The following KLF8 variants were observed in gnomAD, a reference collection of about 807,000 sequenced individuals.
KLF8 encodes the protein Krueppel-like factor 8.
KLF8 carries 10 observed loss-of-function variants against 18.2 expected under a neutral mutation model. The observed-to-expected ratio is 0.55, with a 90% CI of 0.34 to 0.93. The LOEUF (loss-of-function observed/expected upper bound fraction) is 0.93, where lower values mean the gene tolerates loss of function less well. KLF8 is among the 40% of genes least tolerant of loss of function. The probability of loss-of-function intolerance (pLI) is 0.02; values close to 1 mark genes in which losing one functional copy is unlikely to be tolerated. For missense variants in KLF8, 264 were observed against 277.9 expected (o/e 0.95, Z 0.36); for synonymous variants, 109 against 97.3 (o/e 1.12, Z -0.71).
At chrX:56,147,750 G>T in the KLF8 span, among the ~76,000 whole-genome samples, 2 of 112,220 alleles carry the variant, frequency 1.8e-5, no homozygotes, top group Admixed American at 9.4e-5. Context: ...AGACCGAGGT[G>T]GGTGGATCAC....
At chrX:56,186,793 A>G in the KLF8 span, among the ~76,000 whole-genome samples, 1 of 112,375 alleles carries the variant, frequency 8.9e-6, no homozygotes, top group African/African-American at 3.2e-5. Flanking sequence ...ACATAACGAA[A>G]TGAAGTCAGA....
the KLF8 span, among the ~76,000 whole-genome samples, chrX:56,167,579 C>T: frequency 7.2e-5 from 8 of 111,879 alleles, no homozygotes; most frequent in Admixed American, 1.9e-4. Context: ...TAGGAAACCC[C>T]CTGAGAGTGA....
the KLF8 span, among the ~76,000 whole-genome samples, chrX:55,993,085 T>C: frequency 0.085 from 9,446 of 110,847 alleles, 996 homozygotes; most frequent in African/African-American, 0.3. Flanking sequence ...TTGGCTGCCT[T>C]TTGTTTCTTT....
chrX:56,217,335 C>T, the KLF8 span, among the ~76,000 whole-genome samples: 1 of 111,626 alleles, frequency 9.0e-6, no homozygotes, highest in African/African-American at 3.3e-5. Context: ...AGGCTGATTG[C>T]TTCAGGTTCC....
the KLF8 span, among the ~76,000 whole-genome samples, chrX:56,029,449 G>C: frequency 9.0e-6 from 1 of 111,048 alleles, no homozygotes; most frequent in Admixed American, 9.5e-5. Flanking sequence ...GCTTGGTGGA[G>C]ACTCTTGCTC....
At chrX:56,075,844 T>A in the KLF8 span, among the ~76,000 whole-genome samples, 1 of 112,160 alleles carries the variant, frequency 8.9e-6, no homozygotes, top group Non-Finnish European at 1.9e-5. Context: ...AATGACAATG[T>A]CTCATTATTT....
At chrX:55,999,307 T>C in the KLF8 span, among the ~76,000 whole-genome samples, 1 of 102,266 alleles carries the variant, frequency 9.8e-6, no homozygotes, top group Non-Finnish European at 2.0e-5. Flanking sequence ...TGCTTCGTTT[T>C]GTTTTGACTA....
chrX:55,938,831 G>A, the KLF8 span, among the ~76,000 whole-genome samples: 4 of 111,487 alleles, frequency 3.6e-5, no homozygotes, highest in African/African-American at 9.8e-5. Flanking sequence ...CTAACTATCC[G>A]AAATATATAT....
At chrX:56,207,803 AC>A in the KLF8 span, among the ~76,000 whole-genome samples, 2 of 109,427 alleles carry the variant, frequency 1.8e-5, no homozygotes, top group Non-Finnish European at 3.8e-5. Context: ...TTACAGCCAC[AC>A]CCCACTCTAC....
chrX:56,005,691 A>G, the KLF8 span, among the ~76,000 whole-genome samples: 2 of 112,466 alleles, frequency 1.8e-5, no homozygotes, highest in African/African-American at 6.5e-5. Context: ...TAGGCATGGC[A>G]GGGTGTGTGC....
the KLF8 span, among the ~76,000 whole-genome samples, chrX:56,139,875 G>A: frequency 1.2e-4 from 13 of 111,451 alleles, no homozygotes; most frequent in East Asian, 2.3e-3. Flanking sequence ...TGCAAATTAT[G>A]CATCTGACAA....
At chrX:55,909,485 G>T in the KLF8 span, among the ~76,000 whole-genome samples, 1 of 112,708 alleles carries the variant, frequency 8.9e-6, no homozygotes, top group Admixed American at 9.3e-5. Flanking sequence ...ATTGCCTGTG[G>T]CTGATCACAC....
chrX:56,243,980 A>G (rs1161700361), intron 1 of KLF8, among the ~76,000 whole-genome samples: 1 of 111,472 alleles, frequency 9.0e-6, no homozygotes, highest in Non-Finnish European at 1.9e-5. Flanking sequence ...TCCCTTTATT[A>G]AGTAGTTGGT....
At chrX:56,041,338 C>A in the KLF8 span, among the ~76,000 whole-genome samples, 3 of 111,030 alleles carry the variant, frequency 2.7e-5, no homozygotes, top group African/African-American at 9.8e-5. Flanking sequence ...TGGCCAGCCT[C>A]GTCTTGAACT....
chrX:56,024,763 G>T, the KLF8 span, among the ~76,000 whole-genome samples: 1 of 111,773 alleles, frequency 8.9e-6, no homozygotes, highest in Admixed American at 9.4e-5. Context: ...GATAACATCG[G>T]TTGCTAGGTC....
At chrX:56,058,303 T>TAC in the KLF8 span, among the ~76,000 whole-genome samples, 2 of 68,581 alleles carry the variant, frequency 2.9e-5, no homozygotes, top group African/African-American at 1.3e-4. Flanking sequence ...TATATATATA[T>TAC]ATATATATAT....
chrX:56,180,864 G>A, the KLF8 span, among the ~76,000 whole-genome samples: 2 of 111,862 alleles, frequency 1.8e-5, no homozygotes, highest in African/African-American at 6.5e-5. Flanking sequence ...CATTTGCTGA[G>A]GAGTGCTTTA....
the KLF8 span, among the ~76,000 whole-genome samples, chrX:55,913,589 C>A: frequency 9.0e-6 from 1 of 111,538 alleles, no homozygotes; most frequent in Non-Finnish European, 1.9e-5. Flanking sequence ...AGAACAGATT[C>A]TTCCTTCACA....
At chrX:56,025,430 T>G in the KLF8 span, among the ~76,000 whole-genome samples, 4 of 111,890 alleles carry the variant, frequency 3.6e-5, no homozygotes, top group Middle Eastern at 4.6e-3. Context: ...CTTTTTCCTT[T>G]TTGGAGCCAA....
Sources: gnomAD v4.1 joint callset for allele counts (sites outside exome capture counted in the v4.1 genomes callset) on GRCh38, gnomAD v4.1.1 for gene constraint, MANE v1.5 for transcripts, NCBI Gene and HGNC (gene_info 2026-07-23, HGNC 2026-07-21) for gene names.